The following NDUFB6 variants were observed in gnomAD, a reference collection of about 807,000 sequenced individuals.
The protein encoded by NDUFB6 is NADH dehydrogenase [ubiquinone] 1 beta subcomplex subunit 6.
A neutral mutation model predicts 17.5 loss-of-function variants in NDUFB6; 23 were observed. The ratio of observed to expected loss-of-function variants is 1.31; its 90% confidence interval spans 0.94 to 1.86. The LOEUF (loss-of-function observed/expected upper bound fraction) is 1.86, where lower values mean the gene tolerates loss of function less well. NDUFB6 is among the 40% of genes most tolerant of loss of function. NDUFB6 has a pLI of 0.00. For synonymous variants in NDUFB6, 60 were observed against 53.5 expected, an observed-to-expected ratio of 1.12 and a Z score of -0.53; for missense variants, 167 against 153.8, an observed-to-expected ratio of 1.09 and a Z score of -0.46.
Position 32,572,973 on chromosome 9 carries a change from G to A in NDUFB6, c.88C>T (p.Pro30Ser). Residue 30 changes from proline to serine, a missense_variant, in exon 1 of 4, where the codon CCT becomes TCT. Coordinates refer to ENST00000379847, the MANE Select transcript of NDUFB6 (RefSeq NM_002493.5). Reference protein sequence around the residue: ...RRWLKDQELSPREPVLPPQKM... With the variant: ...RRWLKDQELSSREPVLPPQKM... Reference sequence around the variant, plus strand: ...TGTGGGGGCAGCACCGGCTCCCGAGGGCTCAGCTCCTGGTCCTTCAGCCAT... The same window carrying A: ...TGTGGGGGCAGCACCGGCTCCCGAGAGCTCAGCTCCTGGTCCTTCAGCCAT... The A allele has an allele frequency of 6.2e-7, 1 of 1,611,716 alleles. No individual in the cohort carries two copies. Among genetic ancestry groups the A allele is most frequent in the Non-Finnish European group, 8.5e-7 (1 of 1,178,820 alleles).
intron 2 of NDUFB6, chr9:32,566,862 G>T: frequency 1.4e-6 from 1 of 699,612 alleles, no homozygotes; most frequent in Non-Finnish European, 2.4e-6. Context: ...GGGCGGCCTG[G>T]ATGAGCCACG....
chr9:32,571,618 A>G (rs1435518125), intron 1 of NDUFB6, among the ~76,000 whole-genome samples: 1 of 152,238 alleles, frequency 6.6e-6, no homozygotes, highest in African/African-American at 2.4e-5. Flanking sequence ...GAACTTTCCC[A>G]TGTCTTCCAA....
At chr9:32,566,216 C>A in intron 2 of NDUFB6, 1 of 836,372 alleles carries the variant, frequency 1.2e-6, no homozygotes, top group South Asian at 1.4e-5. Flanking sequence ...CTGTTCAGGT[C>A]ATAGCTGGTT....
intron 2 of NDUFB6, chr9:32,567,729 C>A (rs1161918470): frequency 6.1e-6 from 2 of 327,174 alleles, no homozygotes; most frequent in Non-Finnish European, 6.3e-6. Flanking sequence ...AAATCACACC[C>A]ATATAAGATA....
At chr9:32,566,901 G>A (rs1009556376) in intron 2 of NDUFB6, 1 of 566,742 alleles carries the variant, frequency 1.8e-6, no homozygotes, top group Non-Finnish European at 3.3e-6. Flanking sequence ...CACTGAGGAA[G>A]CACCCGATGT....
chr9:32,553,967 A>G, intron 3 of NDUFB6, 23 bp from the exon 4 acceptor site: 1 of 1,488,368 alleles, frequency 6.7e-7, no homozygotes, highest in Non-Finnish European at 9.3e-7. Flanking sequence ...AGATACAGTT[A>G]GTACAAAAAT....
intron 2 of NDUFB6, among the ~76,000 whole-genome samples, chr9:32,569,679 ATTTTTTTTTCT>A (rs61630572): frequency 0.42 from 61,954 of 147,486 alleles, 13,093 homozygotes; most frequent in South Asian, 0.48. Context: ...ACATCCAGCT[ATTTTTTTTTCT>A]TTTTTTTTGG....
chr9:32,572,597 A>G (rs746104839), intron 1 of NDUFB6, among the ~76,000 whole-genome samples: 15 of 152,252 alleles, frequency 9.9e-5, no homozygotes, highest in Non-Finnish European at 2.1e-4. Context: ...GAAGATTTCT[A>G]CAGTCAAAAG....
chr9:32,572,858 G>A lies in NDUFB6; in HGVS notation c.180+23C>T, dbSNP rs769923524. 9.1e-6 allele frequency: 14 copies of A among 1,536,678 alleles called. No homozygotes were observed. The African/African-American group carries it at 1.5e-4, about 17-fold the overall frequency. On this transcript the variant is annotated intron_variant, in intron 1 of 3. Transcript: ENST00000379847. ...GGCAGCAGTGGGATGTGTTGGGGGG[G>A]ACCGGAGAGGTCTGTCACTCACCAT...
At chr9:32,554,211 A>C (rs1168537447) in intron 3 of NDUFB6, among the ~76,000 whole-genome samples, 1 of 152,234 alleles carries the variant, frequency 6.6e-6, no homozygotes, top group African/African-American at 2.4e-5. Flanking sequence ...TAAGTGATAA[A>C]GGGATAATCT....
intron 3 of NDUFB6, among the ~76,000 whole-genome samples, chr9:32,555,271 T>G (rs542723387): frequency 6.6e-6 from 1 of 152,288 alleles, no homozygotes; most frequent in African/African-American, 2.4e-5. Flanking sequence ...AATCAGGACC[T>G]TGTGGTATTG....
chr9:32,554,006 TCTGTTCTATG>T, intron 3 of NDUFB6, 62 bp from the exon 4 acceptor site: 1 of 1,083,956 alleles, frequency 9.2e-7, no homozygotes, highest in Non-Finnish European at 1.4e-6. Flanking sequence ...ATAGTTCTAT[TCTGTTCTATG>T]TTCATCAGAT....
At chr9:32,559,630 T>TAA (rs1343268286) in intron 2 of NDUFB6, among the ~76,000 whole-genome samples, 5 of 152,304 alleles carry the variant, frequency 3.3e-5, no homozygotes, top group Admixed American at 2.6e-4. Flanking sequence ...TTCTCCTAAA[T>TAA]ACTGCTTGAC....
At chr9:32,554,868 C>A (rs891453788) in intron 3 of NDUFB6, among the ~76,000 whole-genome samples, 5 of 151,942 alleles carry the variant, frequency 3.3e-5, no homozygotes, top group Non-Finnish European at 7.4e-5. Flanking sequence ...AGCAAAATAT[C>A]TCCTATAACT....
chr9:32,554,094 A>C, intron 3 of NDUFB6, 150 bp from the exon 4 acceptor site: 1 of 492,376 alleles, frequency 2.0e-6, no homozygotes, highest in Non-Finnish European at 3.7e-6. Flanking sequence ...GTAGAAGCTG[A>C]CTAAATCTGA....
chr9:32,561,267 T>C (rs1235158114), intron 2 of NDUFB6, among the ~76,000 whole-genome samples: 1 of 152,070 alleles, frequency 6.6e-6, no homozygotes, highest in Admixed American at 6.5e-5. Context: ...AGACAGGCCA[T>C]GTCCACTTGG....
chr9:32,566,580 C>T (rs913944108), intron 2 of NDUFB6: 3 of 783,036 alleles, frequency 3.8e-6, no homozygotes, highest in Non-Finnish European at 7.1e-6. Context: ...GAGCTTCTGG[C>T]ACATGGAGCG....
At chr9:32,567,251 C>T (rs1160847118) in intron 2 of NDUFB6, 5 of 473,004 alleles carry the variant, frequency 1.1e-5, no homozygotes, top group African/African-American at 2.0e-5. Flanking sequence ...TGGCATGGGC[C>T]GGGAACCGAT....
At chr9:32,553,999 GTTCTA>G (rs1821382505) in intron 3 of NDUFB6, 55 bp from the exon 4 acceptor site, 2 of 1,064,176 alleles carry the variant, frequency 1.9e-6, no homozygotes, top group Non-Finnish European at 2.8e-6. Context: ...AGAGGTGATA[GTTCTA>G]TTCTGTTCTA....
Sources: gnomAD v4.1 joint callset for allele counts (sites outside exome capture counted in the v4.1 genomes callset) on GRCh38, gnomAD v4.1.1 for gene constraint, MANE v1.5 for transcripts, NCBI Gene and HGNC (gene_info 2026-07-23, HGNC 2026-07-21) for gene names.